The following CCDC63 variants were observed in gnomAD, a reference collection of about 807,000 sequenced individuals.
CCDC63 encodes the protein coiled-coil domain containing 63, also known as coiled-coil domain-containing protein 63.
In CCDC63, 54 loss-of-function variants were observed where a neutral mutation model predicts 63.6. That is an observed-to-expected ratio of 0.85 (90% CI 0.68 to 1.07). CCDC63 has a LOEUF of 1.07. Among genes scored for constraint, CCDC63 ranks in the 50% least tolerant of loss-of-function variants. The pLI is 0.00. For synonymous variants in CCDC63, 253 were observed against 266.1 expected, an observed-to-expected ratio of 0.95 and a Z score of 0.48; for missense variants, 637 against 689.6, an observed-to-expected ratio of 0.92 and a Z score of 0.86.
chr12:110,879,620 T>C (rs756387087), intron 5 of CCDC63, among the ~76,000 whole-genome samples: 6 of 152,214 alleles, frequency 3.9e-5, no homozygotes, highest in Non-Finnish European at 8.8e-5. Flanking sequence ...ATTTAGCTTG[T>C]TCCCCACTCC....
At chr12:110,858,021 G>C (rs1255159866) in intron 3 of CCDC63, among the ~76,000 whole-genome samples, 1 of 151,928 alleles carries the variant, frequency 6.6e-6, no homozygotes, top group Admixed American at 6.6e-5. Context: ...CAGGAGAATC[G>C]CTTGAACCTG....
Position 110,863,623 on chromosome 12 carries a change from C to T in CCDC63, c.369+4848C>T, listed in dbSNP as rs189584480. On this transcript the variant is annotated intron_variant, in intron 4 of 11. Transcript: ENST00000308208. ...TGGCACAATCTCGGCTCACTGCAACCTTTGCCTCTCGGGTTCAAGCAGTTC... is the reference window on the plus strand; with the variant it reads ...TGGCACAATCTCGGCTCACTGCAACTTTTGCCTCTCGGGTTCAAGCAGTTC... Among the ~76,000 whole-genome samples the T allele has an allele frequency of 1.1e-4, 17 of 151,674 alleles. No individual in the cohort carries two copies. The East Asian group carries it at 3.1e-3, about 28-fold the overall frequency.
chr12:110,868,621 TGAG>T (rs2071012104), intron 4 of CCDC63, among the ~76,000 whole-genome samples: 1 of 150,870 alleles, frequency 6.6e-6, no homozygotes, highest in African/African-American at 2.4e-5. Context: ...TTCGGCAGAC[TGAG>T]GCAGGAGAAT....
chr12:110,874,584 T>C (rs1359522691), intron 5 of CCDC63, among the ~76,000 whole-genome samples: 1 of 152,222 alleles, frequency 6.6e-6, no homozygotes, highest in Non-Finnish European at 1.5e-5. Flanking sequence ...ATATTCTCTG[T>C]CCACCTCTCC....
rs769428033 is a variant in CCDC63, at chr12:110,907,484, G to A, written c.*8G>A. On this transcript the variant is annotated 3_prime_UTR_variant, in exon 12 of 12. Coordinates refer to ENST00000308208, the MANE Select transcript of CCDC63 (RefSeq NM_152591.3). The surrounding 1 kb of genome is among the most constrained non-coding windows in gnomAD (Gnocchi z 4.4). Reference sequence around the variant, plus strand: ...AAGAAAGTAACCATGTGAGGTGCATGCATGGGGCCACCTTTGCAACATAAC... The same window carrying A: ...AAGAAAGTAACCATGTGAGGTGCATACATGGGGCCACCTTTGCAACATAAC... 10 of 1,613,982 alleles carry A rather than the reference G, an allele frequency of 6.2e-6. No homozygotes were observed. Among genetic ancestry groups the A allele is most frequent in the African/African-American group, 2.7e-5 (2 of 74,944 alleles).
intron 11 of CCDC63, among the ~76,000 whole-genome samples, chr12:110,906,848 T>C (rs1240636726): frequency 6.6e-6 from 1 of 152,124 alleles, no homozygotes; most frequent in Non-Finnish European, 1.5e-5. Context: ...AGGTCAGAAA[T>C]GTACAGATAC....
At chr12:110,894,910 TTTTG>T (rs957683332) in intron 9 of CCDC63, among the ~76,000 whole-genome samples, 1 of 152,250 alleles carries the variant, frequency 6.6e-6, no homozygotes, top group Admixed American at 6.5e-5. Context: ...GGATAATTGT[TTTTG>T]TTTGTTTCTT....
intron 11 of CCDC63, 113 bp downstream of exon 11, chr12:110,904,904 C>T (rs545023587): frequency 6.2e-6 from 5 of 806,906 alleles, no homozygotes; most frequent in African/African-American, 3.5e-5. Flanking sequence ...CCTCGGTTTC[C>T]TCTCTTTATG....
At chr12:110,853,099 C>A in intron 2 of CCDC63, 136 bp downstream of exon 2, 1 of 985,602 alleles carries the variant, frequency 1.0e-6, no homozygotes, top group Non-Finnish European at 1.6e-6. Flanking sequence ...AGGCTGGAGG[C>A]TCAGAGACAT....
intron 4 of CCDC63, among the ~76,000 whole-genome samples, chr12:110,872,374 G>T (rs756662239): frequency 2.6e-5 from 4 of 152,258 alleles, no homozygotes; most frequent in Non-Finnish European, 4.4e-5. Context: ...GGCCTGTATT[G>T]ATAGGCAGAA....
At chr12:110,877,765 G>A (rs1262800484) in intron 5 of CCDC63, among the ~76,000 whole-genome samples, 1 of 150,728 alleles carries the variant, frequency 6.6e-6, no homozygotes, top group Admixed American at 6.6e-5. Context: ...GGGTGCAGTG[G>A]CGTAATCTCG....
At chr12:110,896,181 C>A (rs891935857) in intron 9 of CCDC63, among the ~76,000 whole-genome samples, 1 of 152,110 alleles carries the variant, frequency 6.6e-6, no homozygotes, top group Non-Finnish European at 1.5e-5. Flanking sequence ...TGCTCTGTCG[C>A]CCAGGCTGGA....
At chr12:110,892,706 C>A (rs1314720288) in intron 8 of CCDC63, among the ~76,000 whole-genome samples, 1 of 152,050 alleles carries the variant, frequency 6.6e-6, no homozygotes, top group Non-Finnish European at 1.5e-5. Context: ...GTCCCAGCTA[C>A]TCAGGAGGCT....
At chr12:110,857,323 C>T (rs534999402) in intron 3 of CCDC63, among the ~76,000 whole-genome samples, 1 of 151,402 alleles carries the variant, frequency 6.6e-6, no homozygotes, top group Admixed American at 6.6e-5. Context: ...GATGGGGTTT[C>T]ACCATCTTAG....
chr12:110,884,750 G>A (rs998849723), intron 8 of CCDC63, among the ~76,000 whole-genome samples: 9 of 151,800 alleles, frequency 5.9e-5, no homozygotes, highest in African/African-American at 1.9e-4. Flanking sequence ...GCAGTGGCAT[G>A]ATCTTGGTTC....
intron 4 of CCDC63, among the ~76,000 whole-genome samples, chr12:110,869,061 T>C (rs1374851435): frequency 2.0e-5 from 3 of 152,102 alleles, no homozygotes; most frequent in Non-Finnish European, 2.9e-5. Context: ...TCTGAAGACT[T>C]GGGGATAACC....
chr12:110,873,831 CTCTT>C lies in CCDC63; in HGVS notation c.370-9_370-6del, dbSNP rs749234754. ...ACACAGCTGGAATTTCTCTCTCTCT[CTCTT>C]TTTCAGATTCTTCAGATGGAAAAAA... On this transcript the variant is annotated splice_polypyrimidine_tract_variant and splice_region_variant and intron_variant, in intron 4 of 11. Transcript: ENST00000308208. 1.6e-5 allele frequency: 26 copies of C among 1,611,986 alleles called. No individual in the cohort carries two copies. The highest frequency in any genetic ancestry group is 2.2e-5 in the Non-Finnish European group (26 of 1,179,560).
chr12:110,856,693 G>A (rs1253594882), intron 3 of CCDC63, among the ~76,000 whole-genome samples: 5 of 152,152 alleles, frequency 3.3e-5, no homozygotes, highest in Admixed American at 3.3e-4. Flanking sequence ...ACTGCAGAAC[G>A]TCCTATTAGA....
At chr12:110,867,151 G>T (rs1451780716) in intron 4 of CCDC63, among the ~76,000 whole-genome samples, 4 of 88,468 alleles carry the variant, frequency 4.5e-5, no homozygotes, top group East Asian at 3.8e-4. Context: ...CCCTCCCGGA[G>T]GGGGCGGCTG....
Sources: gnomAD v4.1 joint callset for allele counts (sites outside exome capture counted in the v4.1 genomes callset) on GRCh38, gnomAD v4.1.1 for gene constraint, Gnocchi (gnomAD v3.1) non-coding constraint, MANE v1.5 for transcripts, NCBI Gene and HGNC (gene_info 2026-07-23, HGNC 2026-07-21) for gene names.